TENM4: variants seen among roughly 807,000 people sequenced by gnomAD.
TENM4 encodes teneurin-4.
In TENM4, 82 loss-of-function variants were observed where a neutral mutation model predicts 243.3. That is an observed-to-expected ratio of 0.34 (90% CI 0.28 to 0.40). TENM4 has a LOEUF of 0.40. TENM4 is among the 10% of genes least tolerant of loss of function. TENM4 has a pLI of 1.00. For synonymous variants in TENM4, 1,412 were observed against 1,456.3 expected, an observed-to-expected ratio of 0.97 and a Z score of 0.69; for missense variants, 3,138 against 3,673.3, an observed-to-expected ratio of 0.85 and a Z score of 3.77.
At chr11:78,929,054 C>G (rs1345310003) in intron 6 of TENM4, among the ~76,000 whole-genome samples, 1 of 152,224 alleles carries the variant, frequency 6.6e-6, no homozygotes, top group Admixed American at 6.5e-5. Flanking sequence ...TGGCAGGTAC[C>G]TCCCTGCACC....
chr11:79,362,235 A>G (rs1179364519), intron 1 of TENM4, among the ~76,000 whole-genome samples: 1 of 152,198 alleles, frequency 6.6e-6, no homozygotes, highest in Non-Finnish European at 1.5e-5. Flanking sequence ...GTTTTGCACC[A>G]TTTCACCTCA....
chr11:79,070,427 C>A (rs1860383069), intron 4 of TENM4, among the ~76,000 whole-genome samples: 1 of 152,170 alleles, frequency 6.6e-6, no homozygotes, highest in Non-Finnish European at 1.5e-5. Flanking sequence ...CATGCAAACA[C>A]TGGGGTAAGC....
intron 12 of TENM4, among the ~76,000 whole-genome samples, chr11:78,837,284 G>C (rs1361148590): frequency 6.6e-6 from 1 of 152,116 alleles, no homozygotes; most frequent in African/African-American, 2.4e-5. Context: ...TTCTCCTTTG[G>C]CTTGATTCTC....
At chr11:78,740,989 G>A (rs1855917048) in intron 19 of TENM4, among the ~76,000 whole-genome samples, 2 of 152,354 alleles carry the variant, frequency 1.3e-5, no homozygotes, top group African/African-American at 4.8e-5. Context: ...CCTGGACGCC[G>A]ATAGGCCATA....
chr11:78,850,570 A>G (rs1250969797), intron 12 of TENM4, among the ~76,000 whole-genome samples: 4 of 152,226 alleles, frequency 2.6e-5, no homozygotes, highest in Non-Finnish European at 2.9e-5. Flanking sequence ...TCTTGGGGAA[A>G]GCGGGATTAA....
intron 1 of TENM4, among the ~76,000 whole-genome samples, chr11:79,414,450 G>A (rs1858770484): frequency 6.6e-6 from 1 of 152,170 alleles, no homozygotes; most frequent in Non-Finnish European, 1.5e-5. Context: ...CCAGAAGAAA[G>A]AGTGGCTATA....
intron 28 of TENM4, among the ~76,000 whole-genome samples, chr11:78,697,696 T>G (rs1249400464): frequency 6.6e-6 from 1 of 152,170 alleles, no homozygotes; most frequent in African/African-American, 2.4e-5. Context: ...AAAGACAAAT[T>G]TGTAAGGGTC....
chr11:79,324,233 G>GTTATTT (rs1856938039), intron 1 of TENM4, among the ~76,000 whole-genome samples: 2 of 151,270 alleles, frequency 1.3e-5, no homozygotes, highest in African/African-American at 2.4e-5. Flanking sequence ...TATTGTTATT[G>GTTATTT]TTTTTAGAGA....
chr11:78,989,247 G>A (rs139360232), intron 6 of TENM4, among the ~76,000 whole-genome samples: 14 of 152,312 alleles, frequency 9.2e-5, no homozygotes, highest in Non-Finnish European at 1.6e-4. Context: ...CAGAGGTTAC[G>A]TTTTGGTCAG....
intron 6 of TENM4, chr11:78,903,830 T>C: frequency 1.5e-6 from 1 of 647,776 alleles, no homozygotes; most frequent in South Asian, 1.5e-5. Flanking sequence ...TCACATTGTT[T>C]CATGCTTTTA....
At chr11:78,713,581 T>C (rs950735572) in intron 25 of TENM4, among the ~76,000 whole-genome samples, 17 of 152,156 alleles carry the variant, frequency 1.1e-4, no homozygotes, top group Non-Finnish European at 1.9e-4. Context: ...GTTCTGAAAC[T>C]TGGGCAAGTT....
At chr11:79,253,580 C>G (rs183873323) in intron 2 of TENM4, among the ~76,000 whole-genome samples, 4 of 152,270 alleles carry the variant, frequency 2.6e-5, no homozygotes, top group Admixed American at 2.6e-4. Flanking sequence ...GTGCCTGGTA[C>G]TTTAGCAGCT....
chr11:78,735,937 T>G (rs920187485), intron 20 of TENM4, among the ~76,000 whole-genome samples: 2 of 151,052 alleles, frequency 1.3e-5, no homozygotes, highest in Non-Finnish European at 3.0e-5. Flanking sequence ...TCTCTTTCTT[T>G]CTTTCTCTCT....
chr11:78,929,475 G>A (rs634632), intron 6 of TENM4, among the ~76,000 whole-genome samples: 1,655 of 152,298 alleles, frequency 0.011, 90 homozygotes, highest in Admixed American at 0.086. Context: ...AGACAAGAAG[G>A]AGAGAGGGCT....
At chr11:79,278,177 C>T (rs1294425930) in intron 2 of TENM4, among the ~76,000 whole-genome samples, 1 of 152,102 alleles carries the variant, frequency 6.6e-6, no homozygotes, top group African/African-American at 2.4e-5. Flanking sequence ...TGCTTATTTT[C>T]CCACCTTGTT....
intron 1 of TENM4, among the ~76,000 whole-genome samples, chr11:79,297,874 CAAAGA>C (rs939158210): frequency 1.1e-4 from 16 of 150,932 alleles, no homozygotes; most frequent in African/African-American, 1.9e-4. Flanking sequence ...AGAAATAAAG[CAAAGA>C]AAAGGGCCAC....
At chr11:79,370,589 T>A (rs898641999) in intron 1 of TENM4, among the ~76,000 whole-genome samples, 2 of 152,078 alleles carry the variant, frequency 1.3e-5, no homozygotes, top group Admixed American at 6.5e-5. Flanking sequence ...TTATCCTCCA[T>A]GTCCATCTGC....
chr11:79,235,909 G>A (rs549213890), intron 2 of TENM4, among the ~76,000 whole-genome samples: 1 of 152,006 alleles, frequency 6.6e-6, no homozygotes, highest in South Asian at 2.1e-4. Context: ...TTGTTTAGAT[G>A]GATTCTTTCG....
chr11:79,221,211 G>GC (rs1278239875), intron 2 of TENM4: 1 of 152,158 alleles, frequency 6.6e-6, no homozygotes, highest in Non-Finnish European at 1.5e-5. Flanking sequence ...CCAGCATAGT[G>GC]CCTGGGATCA....
Sources: gnomAD v4.1 joint callset for allele counts (sites outside exome capture counted in the v4.1 genomes callset) on GRCh38, gnomAD v4.1.1 for gene constraint, MANE v1.5 for transcripts, NCBI Gene and HGNC (gene_info 2026-07-23, HGNC 2026-07-21) for gene names.